The following RAD50 variants were observed in gnomAD, a reference collection of about 807,000 sequenced individuals.
RAD50 encodes DNA repair protein RAD50.
A neutral mutation model predicts 168.8 loss-of-function variants in RAD50; 132 were observed. The ratio of observed to expected loss-of-function variants is 0.78; its 90% CI spans 0.68 to 0.90. The LOEUF (loss-of-function observed/expected upper bound fraction) is 0.90, where lower values mean the gene tolerates loss of function less well. RAD50 is among the 40% of genes least tolerant of loss of function. The pLI is 0.00. For synonymous variants in RAD50, 525 were observed against 497.4 expected, an observed-to-expected ratio of 1.06 and a Z score of -0.74; for missense variants, 1,347 against 1,534.4, an observed-to-expected ratio of 0.88 and a Z score of 2.04.
rs377468196 is a variant in RAD50, at chr5:132,585,844, T to A, written c.757-1718T>A. On this transcript the variant is annotated intron_variant, in intron 5 of 24. Transcript: ENST00000378823. ...TCTGGGCTCAAGCAATCAGCCTGCC[T>A]CAGTCTCCCAAAGTGCTGGGATTAC... Among the ~76,000 whole-genome samples the A allele has an allele frequency of 6.0e-4, 91 of 152,258 alleles. 1 individual carries two copies. In the South Asian group the frequency reaches 0.019, roughly 31 times the overall value.
Position 132,604,953 on chromosome 5 carries a change from C to G in RAD50, c.2672C>G (p.Thr891Ser). 6.2e-7 allele frequency: 1 copy of G among 1,613,930 alleles called. No individual in the cohort carries two copies. Among genetic ancestry groups the G allele is most frequent in the Non-Finnish European group, 8.5e-7 (1 of 1,179,824 alleles). The change falls in exon 16 of 25, where the codon ACT (threonine) becomes AGT (serine). Residue 891 changes from threonine to serine, a missense_variant. By Grantham distance (58) the Thr-to-Ser change is moderately conservative. Around this residue, in one of 3 missense-constraint regions of RAD50, gnomAD observed 635 missense variants for 739.2 expected, o/e 0.86. Transcript: ENST00000378823. ...LQRRQQLEEQ[T>S]VELSTEVQSL... Reference sequence around the variant, plus strand: ...CGTCGTCAGCAACTGGAGGAGCAGACTGTGGAATTATCCACTGAAGTTCAG... The same window carrying G: ...CGTCGTCAGCAACTGGAGGAGCAGAGTGTGGAATTATCCACTGAAGTTCAG...
intron 20 of RAD50, among the ~76,000 whole-genome samples, chr5:132,617,053 A>G (rs1353505718): frequency 2.0e-5 from 3 of 152,152 alleles, no homozygotes; most frequent in African/African-American, 7.2e-5. Context: ...TCATTTTTGT[A>G]TGCATTATGC....
intron 15 of RAD50, 54 bp downstream of exon 15, chr5:132,604,100 A>T (rs1202595404): frequency 6.3e-7 from 1 of 1,598,254 alleles, no homozygotes. Context: ...TTGCGAGCAC[A>T]TGCCTTTTAC....
chr5:132,617,709 G>A (rs181331172), intron 20 of RAD50, among the ~76,000 whole-genome samples: 57 of 152,242 alleles, frequency 3.7e-4, no homozygotes, highest in Admixed American at 3.4e-3. Flanking sequence ...ACTTCTTAGT[G>A]TTGATAATTG....
At chr5:132,604,395 A>G (rs1750944686) in intron 15 of RAD50, among the ~76,000 whole-genome samples, 1 of 151,740 alleles carries the variant, frequency 6.6e-6, no homozygotes, top group Non-Finnish European at 1.5e-5. Context: ...CCTCCTGAGT[A>G]GCTGGGGTTA....
chr5:132,627,277 G>T (rs919113740), intron 21 of RAD50, among the ~76,000 whole-genome samples: 8 of 152,070 alleles, frequency 5.3e-5, no homozygotes, highest in African/African-American at 1.9e-4. Flanking sequence ...TAACTCTTCA[G>T]TGAGGTGCTT....
chr5:132,633,579 T>G (rs1435952332), intron 21 of RAD50, among the ~76,000 whole-genome samples: 5 of 151,684 alleles, frequency 3.3e-5, no homozygotes, highest in African/African-American at 1.2e-4. Context: ...TTTTGTTTTT[T>G]GTTTTTTGTT....
intron 13 of RAD50, among the ~76,000 whole-genome samples, chr5:132,598,139 C>G (rs1053874623): frequency 4.6e-5 from 7 of 152,076 alleles, no homozygotes; most frequent in African/African-American, 1.7e-4. Context: ...TCTCCACCTC[C>G]CCGGTTCAAG....
At chr5:132,638,034 G>A in intron 22 of RAD50, 47 bp from the exon 23 acceptor site, 1 of 1,593,986 alleles carries the variant, frequency 6.3e-7, no homozygotes, top group Admixed American at 1.7e-5. Context: ...AATGACAAAA[G>A]GCTACAGAGC....
intron 2 of RAD50, among the ~76,000 whole-genome samples, chr5:132,565,290 A>G (rs1269234146): frequency 7.8e-6 from 1 of 128,332 alleles, no homozygotes; most frequent in East Asian, 2.0e-4. Flanking sequence ...ACCCAGTTTC[A>G]GGTTTTTTTT....
chr5:132,607,086 A>G (rs1364253930), intron 16 of RAD50, among the ~76,000 whole-genome samples: 3 of 152,210 alleles, frequency 2.0e-5, no homozygotes, highest in Admixed American at 6.5e-5. Context: ...AAAATGGTAT[A>G]ATAATTATTT....
chr5:132,617,096 T>C (rs188122243), intron 20 of RAD50, among the ~76,000 whole-genome samples: 1 of 152,270 alleles, frequency 6.6e-6, no homozygotes, highest in Admixed American at 6.5e-5. Flanking sequence ...CAGAGGAAAT[T>C]ATGATGAAAG....
chr5:132,574,122 C>G (rs1006777123), intron 2 of RAD50, among the ~76,000 whole-genome samples: 1 of 152,234 alleles, frequency 6.6e-6, no homozygotes, highest in Non-Finnish European at 1.5e-5. Flanking sequence ...TCCATAGGAA[C>G]TCTGTGGGGT....
intron 22 of RAD50, 117 bp from the exon 23 acceptor site, chr5:132,637,963 TG>T (rs1751625071): frequency 8.5e-7 from 1 of 1,176,576 alleles, no homozygotes; most frequent in East Asian, 2.4e-5. Flanking sequence ...CACCAGCCAT[TG>T]TTTTCCTCTG....
chr5:132,641,391 T>G (rs1751717552), intron 24 of RAD50, among the ~76,000 whole-genome samples: 2 of 152,084 alleles, frequency 1.3e-5, no homozygotes, highest in Admixed American at 6.5e-5. Context: ...AAAGGCAGTT[T>G]CCCTGAGGTC....
chr5:132,622,723 G>A (rs375067452), intron 21 of RAD50, among the ~76,000 whole-genome samples: 1 of 151,918 alleles, frequency 6.6e-6, no homozygotes, highest in African/African-American at 2.4e-5. Flanking sequence ...CTGCTGTTTT[G>A]TATGTTGATT....
intron 19 of RAD50, among the ~76,000 whole-genome samples, chr5:132,612,367 T>C (rs1751102434): frequency 6.6e-6 from 1 of 152,214 alleles, no homozygotes; most frequent in African/African-American, 2.4e-5. Flanking sequence ...GAGTGACTGC[T>C]ATTGAATATG....
At chr5:132,607,973 A>G (rs1189572049) in intron 16 of RAD50, among the ~76,000 whole-genome samples, 1 of 152,246 alleles carries the variant, frequency 6.6e-6, no homozygotes, top group Non-Finnish European at 1.5e-5. Context: ...TTAGTGTTAC[A>G]AGGCTAAATA....
chr5:132,605,979 A>C (rs1171140792), intron 16 of RAD50, among the ~76,000 whole-genome samples: 1 of 152,236 alleles, frequency 6.6e-6, no homozygotes, highest in Non-Finnish European at 1.5e-5. Flanking sequence ...CATTTAAAGC[A>C]CTGTGTAGAG....
Sources: gnomAD v4.1 joint callset for allele counts (sites outside exome capture counted in the v4.1 genomes callset) on GRCh38, gnomAD v4.1.1 for gene constraint, gnomAD v4.1.1 regional missense constraint, MANE v1.5 for transcripts, NCBI Gene and HGNC (gene_info 2026-07-23, HGNC 2026-07-21) for gene names.